The following FBXL7 variants were observed in gnomAD, a reference collection of about 807,000 sequenced individuals.
FBXL7 encodes F-box and leucine rich repeat protein 7.
In FBXL7, 12 loss-of-function variants were observed where a neutral mutation model predicts 38.3. That is an observed-to-expected ratio of 0.31 (90% CI 0.20 to 0.51). The LOEUF is 0.51. Ranked by LOEUF, FBXL7 falls within the 20% of genes least tolerant of loss-of-function variation. The pLI, the probability that FBXL7 is intolerant of heterozygous loss-of-function variation, is 0.98. For synonymous variants in FBXL7, 297 were observed against 300.9 expected (o/e 0.99, Z 0.13); for missense variants, 567 against 676.4 (o/e 0.84, Z 1.79).
rs537239362 is a variant in FBXL7 at position 15,893,268 on chromosome 5, C to T, written c.128-34622C>T. Reference sequence around the variant, plus strand: ...CCCCACTAATATGGGATGTAAGACACGGACAGATACTGTTTATTCTATAAC... The same window carrying T: ...CCCCACTAATATGGGATGTAAGACATGGACAGATACTGTTTATTCTATAAC... On this transcript the variant is annotated intron_variant, in intron 2 of 3. Transcript: ENST00000504595. Among the ~76,000 whole-genome samples, 16 of 152,224 alleles carry T rather than the reference C, an allele frequency of 1.1e-4. 1 individual carries two copies. In the East Asian group the frequency reaches 3.1e-3, roughly 29 times the overall value.
chr5:15,774,107 C>G (rs2126713765), intron 2 of FBXL7, among the ~76,000 whole-genome samples: 1 of 152,058 alleles, frequency 6.6e-6, no homozygotes, highest in East Asian at 1.9e-4. Flanking sequence ...GTCAGCAGGA[C>G]TGTTCTCCTC....
intron 2 of FBXL7, among the ~76,000 whole-genome samples, chr5:15,873,473 G>T (rs903109698): frequency 6.6e-6 from 1 of 152,152 alleles, no homozygotes; most frequent in Admixed American, 6.5e-5. Context: ...AATGAATCCA[G>T]GAGGTGGTTT....
At chr5:15,523,841 G>A (rs1367989871) in intron 1 of FBXL7, among the ~76,000 whole-genome samples, 2 of 152,196 alleles carry the variant, frequency 1.3e-5, no homozygotes, top group Non-Finnish European at 2.9e-5. Context: ...AGCTGCAGTT[G>A]AGTCTGGGAA....
intron 2 of FBXL7, among the ~76,000 whole-genome samples, chr5:15,816,562 G>T (rs1738021107): frequency 6.6e-6 from 1 of 152,112 alleles, no homozygotes; most frequent in Non-Finnish European, 1.5e-5. Context: ...CATGACTCCA[G>T]TGACAGATGC....
At chr5:15,880,688 A>C (rs1274612992) in intron 2 of FBXL7, among the ~76,000 whole-genome samples, 1 of 145,360 alleles carries the variant, frequency 6.9e-6, no homozygotes, top group Non-Finnish European at 1.5e-5. Flanking sequence ...TTTGAGAAGC[A>C]CTCTACTTAG....
At chr5:15,776,368 GTTCATGT>G (rs1442167829) in intron 2 of FBXL7, among the ~76,000 whole-genome samples, 1 of 152,042 alleles carries the variant, frequency 6.6e-6, no homozygotes, top group East Asian at 1.9e-4. Context: ...ATAATTTAAA[GTTCATGT>G]TTCTATGGTA....
At chr5:15,702,547 C>T (rs1418733523) in intron 2 of FBXL7, among the ~76,000 whole-genome samples, 1 of 152,086 alleles carries the variant, frequency 6.6e-6, no homozygotes, top group Non-Finnish European at 1.5e-5. Flanking sequence ...TGTACTGAGT[C>T]ACCGGTATTT....
At chr5:15,678,404 G>C (rs148109148) in intron 2 of FBXL7, among the ~76,000 whole-genome samples, 1 of 152,084 alleles carries the variant, frequency 6.6e-6, no homozygotes, top group Non-Finnish European at 1.5e-5. Flanking sequence ...ATTGCTTACC[G>C]GTGTCATATA....
intron 2 of FBXL7, among the ~76,000 whole-genome samples, chr5:15,755,648 C>T (rs1053376591): frequency 5.3e-5 from 8 of 152,216 alleles, no homozygotes; most frequent in African/African-American, 1.9e-4. Context: ...TTTCAAAAAG[C>T]ACATCCAGTA....
chr5:15,921,184 C>A (rs1741730956), intron 2 of FBXL7, among the ~76,000 whole-genome samples: 1 of 152,014 alleles, frequency 6.6e-6, no homozygotes, highest in Non-Finnish European at 1.5e-5. Flanking sequence ...GAGTTCGAGA[C>A]CAGCCTGGCC....
At chr5:15,874,264 A>C (rs138230962) in intron 2 of FBXL7, among the ~76,000 whole-genome samples, 1 of 152,226 alleles carries the variant, frequency 6.6e-6, no homozygotes, top group African/African-American at 2.4e-5. Flanking sequence ...TTGATGAAAC[A>C]TGTCTCAAAA....
chr5:15,603,534 T>A (rs1353294763), intron 1 of FBXL7, among the ~76,000 whole-genome samples: 3 of 152,220 alleles, frequency 2.0e-5, no homozygotes, highest in African/African-American at 7.2e-5. Context: ...TCTGGCTCCA[T>A]GCCCTCCAGT....
At chr5:15,855,581 TTCAA>T (rs2126799896) in intron 2 of FBXL7, among the ~76,000 whole-genome samples, 1 of 152,292 alleles carries the variant, frequency 6.6e-6, no homozygotes, top group South Asian at 2.1e-4. Context: ...TTATCACAAA[TTCAA>T]TCTGTTAAAT....
intron 2 of FBXL7, among the ~76,000 whole-genome samples, chr5:15,845,613 A>C (rs2126787786): frequency 6.6e-6 from 1 of 152,342 alleles, no homozygotes; most frequent in South Asian, 2.1e-4. Flanking sequence ...TAGATTAAAC[A>C]TTATATCATT....
chr5:15,889,445 C>T (rs1489021484), intron 2 of FBXL7, among the ~76,000 whole-genome samples: 1 of 152,142 alleles, frequency 6.6e-6, no homozygotes, highest in South Asian at 2.1e-4. Context: ...CCTATTGAAC[C>T]AAAGTGGGAG....
intron 1 of FBXL7, among the ~76,000 whole-genome samples, chr5:15,543,256 TA>T (rs1334692106): frequency 6.6e-6 from 1 of 152,086 alleles, no homozygotes; most frequent in Non-Finnish European, 1.5e-5. Flanking sequence ...GAAGCAAAGG[TA>T]CGTCTTACAT....
intron 2 of FBXL7, among the ~76,000 whole-genome samples, chr5:15,726,049 A>T (rs1744340957): frequency 6.6e-6 from 1 of 152,048 alleles, no homozygotes; most frequent in South Asian, 2.1e-4. Context: ...TGATGGTCTG[A>T]TATTAGATGT....
chr5:15,812,471 A>G (rs2126754473), intron 2 of FBXL7, among the ~76,000 whole-genome samples: 1 of 152,272 alleles, frequency 6.6e-6, no homozygotes, highest in South Asian at 2.1e-4. Context: ...GAACCTGCGC[A>G]TTCTGCACAT....
At chr5:15,662,931 G>T (rs528750624) in intron 2 of FBXL7, among the ~76,000 whole-genome samples, 1 of 152,066 alleles carries the variant, frequency 6.6e-6, no homozygotes, top group Non-Finnish European at 1.5e-5. Context: ...AGTCAGTAAC[G>T]TTATGCCTCT....
Sources: allele counts gnomAD v4.1 joint callset (sites outside exome capture counted in the v4.1 genomes callset), GRCh38; gene constraint gnomAD v4.1.1; transcripts MANE v1.5; gene names NCBI Gene and HGNC (gene_info 2026-07-23, HGNC 2026-07-21).